Variants in LOC400499 observed in about 807,000 individuals in gnomAD.
chr16:11,373,313 A>G, the LOC400499 span, among the ~76,000 whole-genome samples: 22 of 152,312 alleles, frequency 1.4e-4, no homozygotes, highest in African/African-American at 4.6e-4. Flanking sequence ...GTGCCCTTCT[A>G]TCCCTCATCT....
the LOC400499 span, among the ~76,000 whole-genome samples, chr16:11,437,204 C>T: frequency 7.9e-5 from 12 of 152,038 alleles, no homozygotes; most frequent in African/African-American, 2.9e-4. Context: ...TTTTTTAGGG[C>T]AGGGAAACTG....
the LOC400499 span, chr16:11,514,590 C>A: frequency 7.5e-6 from 3 of 399,708 alleles, no homozygotes; most frequent in East Asian, 3.6e-5. Flanking sequence ...TAGCCATCCA[C>A]AGGACCCAGC....
the LOC400499 span, among the ~76,000 whole-genome samples, chr16:11,425,612 G>A: frequency 6.6e-6 from 1 of 152,250 alleles, no homozygotes; most frequent in African/African-American, 2.4e-5. Flanking sequence ...TCCCTCCCAG[G>A]ATACTCTGAA....
At chr16:11,433,255 C>A in the LOC400499 span, among the ~76,000 whole-genome samples, 1 of 152,172 alleles carries the variant, frequency 6.6e-6, no homozygotes, top group Non-Finnish European at 1.5e-5. Flanking sequence ...TGCCTCGAAT[C>A]CTTTTCAGAC....
the LOC400499 span, among the ~76,000 whole-genome samples, chr16:11,478,216 CAG>C: frequency 1.3e-5 from 2 of 150,452 alleles, no homozygotes; most frequent in Non-Finnish European, 3.0e-5. Context: ...TCAGTAGAGA[CAG>C]GGTTTCGCCA....
chr16:11,465,495 G>C, the LOC400499 span: 1 of 152,090 alleles, frequency 6.6e-6, no homozygotes, highest in African/African-American at 2.4e-5. Context: ...ACAGTGACAG[G>C]GGCTTCAAAC....
chr16:11,518,553 G>T, the LOC400499 span, among the ~76,000 whole-genome samples: 2 of 152,094 alleles, frequency 1.3e-5, no homozygotes, highest in African/African-American at 2.4e-5. Context: ...GTGATCGGCA[G>T]GTGTGAAATC....
chr16:11,411,288 G>A, the LOC400499 span: 1 of 399,396 alleles, frequency 2.5e-6, no homozygotes, highest in East Asian at 3.6e-5. Flanking sequence ...GACCCAGGAG[G>A]AAGGGGAGGC....
chr16:11,398,492 C>G, the LOC400499 span: 1 of 1,232,276 alleles, frequency 8.1e-7, no homozygotes, highest in Non-Finnish European at 1.0e-6. Context: ...TCTTGTCTGG[C>G]TGAGATGGCC....
the LOC400499 span, among the ~76,000 whole-genome samples, chr16:11,400,544 G>A: frequency 3.3e-5 from 5 of 151,710 alleles, no homozygotes; most frequent in South Asian, 4.2e-4. Context: ...GGGCTCAAAC[G>A]ATCCTCCCGC....
chr16:11,448,204 C>G, the LOC400499 span: 4 of 1,197,684 alleles, frequency 3.3e-6, no homozygotes. Flanking sequence ...CCGAGAATGG[C>G]TACTGAACTG....
chr16:11,496,457 A>G, the LOC400499 span, among the ~76,000 whole-genome samples: 1 of 152,234 alleles, frequency 6.6e-6, no homozygotes. Context: ...GAAGGTGTGA[A>G]CATAAGCATC....
chr16:11,398,240 T>C, the LOC400499 span: 1 of 995,480 alleles, frequency 1.0e-6, no homozygotes, highest in Non-Finnish European at 1.3e-6. Flanking sequence ...TGGTGGCGTC[T>C]GGCTGCCTCG....
At chr16:11,480,694 C>A in the LOC400499 span, among the ~76,000 whole-genome samples, 1 of 152,088 alleles carries the variant, frequency 6.6e-6, no homozygotes, top group Non-Finnish European at 1.5e-5. Flanking sequence ...GGTGTACGCC[C>A]GACAGGTATA....
At chr16:11,501,062 C>T in the LOC400499 span, 43 of 396,768 alleles carry the variant, frequency 1.1e-4, no homozygotes, top group East Asian at 9.3e-4. Flanking sequence ...CAGAGAGGTA[C>T]GGTGCAGACA....
chr16:11,420,550 T>A, the LOC400499 span, among the ~76,000 whole-genome samples: 2 of 150,094 alleles, frequency 1.3e-5, no homozygotes, highest in African/African-American at 4.9e-5. Flanking sequence ...CATATGTAAC[T>A]AACCTGCACA....
At chr16:11,373,114 A>T in the LOC400499 span, among the ~76,000 whole-genome samples, 1 of 152,150 alleles carries the variant, frequency 6.6e-6, no homozygotes, top group East Asian at 1.9e-4. Context: ...ATGCTTTGAG[A>T]GCTCAGGATG....
the LOC400499 span, chr16:11,471,636 C>A: frequency 2.5e-6 from 1 of 399,074 alleles, no homozygotes; most frequent in African/African-American, 2.1e-5. Context: ...AAAGACGGGG[C>A]TGTTGTCTAG....
At chr16:11,501,583 C>T in the LOC400499 span, among the ~76,000 whole-genome samples, 1 of 152,014 alleles carries the variant, frequency 6.6e-6, no homozygotes, top group African/African-American at 2.4e-5. Context: ...GTCTCAAACT[C>T]CTGAGCATAG....
Sources: allele counts gnomAD v4.1 joint callset (sites outside exome capture counted in the v4.1 genomes callset), GRCh38; gene constraint gnomAD v4.1.1; transcripts MANE v1.5.